Variants in NCKAP5 observed in about 807,000 individuals in gnomAD.
NCKAP5 encodes nck-associated protein 5.
Under a neutral mutation model 167.0 loss-of-function variants are expected in NCKAP5, and 92 were observed. The observed-to-expected ratio is 0.55, with a 90% CI of 0.47 to 0.66. The LOEUF is 0.66. Among genes scored for constraint, NCKAP5 ranks in the 30% least tolerant of loss-of-function variants. NCKAP5 has a pLI of 0.00. For synonymous variants in NCKAP5, 891 were observed against 877.4 expected (o/e 1.02, Z -0.27); for missense variants, 2,378 against 2,315.0 (o/e 1.03, Z -0.56).
intron 10 of NCKAP5, among the ~76,000 whole-genome samples, chr2:132,863,542 A>ATTAGTATTAC (rs1690107177): frequency 6.6e-6 from 1 of 152,138 alleles, no homozygotes; most frequent in Non-Finnish European, 1.5e-5. Flanking sequence ...TTCAAAGGCC[A>ATTAGTATTAC]TTAGTATTAC....
intron 6 of NCKAP5, among the ~76,000 whole-genome samples, chr2:133,082,472 C>T (rs1009467650): frequency 3.3e-5 from 5 of 152,102 alleles, no homozygotes; most frequent in African/African-American, 1.2e-4. Flanking sequence ...AGAAGCTTTA[C>T]AGGTGGGTGG....
chr2:132,921,854 C>A (rs759961332), intron 8 of NCKAP5, among the ~76,000 whole-genome samples: 1 of 152,148 alleles, frequency 6.6e-6, no homozygotes, highest in Non-Finnish European at 1.5e-5. Context: ...GCAGGTTTGG[C>A]CATTCGGTGC....
chr2:133,662,715 A>G, the NCKAP5 span, among the ~76,000 whole-genome samples: 14 of 150,330 alleles, frequency 9.3e-5, no homozygotes, highest in East Asian at 1.9e-3. Context: ...GAATATTAAA[A>G]TAATAGGTAT....
At chr2:133,222,743 T>C (rs900167637) in intron 4 of NCKAP5, among the ~76,000 whole-genome samples, 12 of 152,208 alleles carry the variant, frequency 7.9e-5, no homozygotes, top group Admixed American at 2.0e-4. Flanking sequence ...AGGCTGCTCA[T>C]GCAGACTGGA....
chr2:133,578,152 G>T, the NCKAP5 span, among the ~76,000 whole-genome samples: 1 of 152,174 alleles, frequency 6.6e-6, no homozygotes, highest in African/African-American at 2.4e-5. Flanking sequence ...TCCCTCCCAT[G>T]TAAAGATTCT....
intron 11 of NCKAP5, among the ~76,000 whole-genome samples, chr2:132,820,677 G>T (rs997466528): frequency 2.0e-5 from 3 of 152,170 alleles, no homozygotes; most frequent in Non-Finnish European, 4.4e-5. Flanking sequence ...TTCACAGACT[G>T]TGGGTAACAC....
Position 132,672,965 on chromosome 2 carries a change from C to A in NCKAP5, c.*324G>T. 1.8e-5 allele frequency: 2 copies of A among 109,460 alleles called. No individual in the cohort carries two copies. Among genetic ancestry groups the A allele is most frequent in the Non-Finnish European group, 2.9e-5 (2 of 67,998 alleles). The allele number at this position is 109,460 out of a possible 1,614,324, so 6.8% of individuals were successfully genotyped here. Reference sequence around the variant, plus strand: ...CTCTATCAAGCGGTGCACCCCCCACCCCCCACCCATCATTTCTTAAGCGCT... The same window carrying A: ...CTCTATCAAGCGGTGCACCCCCCACACCCCACCCATCATTTCTTAAGCGCT... On this transcript the variant is annotated 3_prime_UTR_variant, in exon 20 of 20. Coordinates refer to ENST00000409261, the MANE Select transcript of NCKAP5 (RefSeq NM_207363.3).
At chr2:133,159,742 T>G (rs1297334589) in intron 5 of NCKAP5, among the ~76,000 whole-genome samples, 1 of 152,204 alleles carries the variant, frequency 6.6e-6, no homozygotes, top group African/African-American at 2.4e-5. Context: ...ATGTTAGATT[T>G]TTTTAAGCAA....
chr2:132,953,469 C>T (rs1192997124), intron 8 of NCKAP5, among the ~76,000 whole-genome samples: 1 of 151,974 alleles, frequency 6.6e-6, no homozygotes, highest in African/African-American at 2.4e-5. Flanking sequence ...ATTTTTATTA[C>T]CTTAATTAAT....
At chr2:133,673,082 A>G in the NCKAP5 span, among the ~76,000 whole-genome samples, 1 of 152,144 alleles carries the variant, frequency 6.6e-6, no homozygotes, top group African/African-American at 2.4e-5. Context: ...ATGACACCAT[A>G]TACTCTGTGT....
chr2:133,132,132 A>G (rs1018792413), intron 5 of NCKAP5, among the ~76,000 whole-genome samples: 1 of 151,938 alleles, frequency 6.6e-6, no homozygotes, highest in African/African-American at 2.4e-5. Context: ...TACTAAAAAT[A>G]AAAAAATTAG....
In NCKAP5 at chr2:133,456,658, T is replaced by C. The variant is rs558993023; in HGVS notation, c.69+60800A>G. Reference sequence around the variant, plus strand: ...TTGATGAAATAACCTTATTATGTAGTGAATTTGAAGGAGGCTGCTGACCCC... The same window carrying C: ...TTGATGAAATAACCTTATTATGTAGCGAATTTGAAGGAGGCTGCTGACCCC... On this transcript the variant is annotated intron_variant, in intron 3 of 19. Transcript: ENST00000409261. 3.9e-5 allele frequency among the ~76,000 whole-genome samples: 6 copies of C among 152,318 alleles called. No homozygotes were observed. The East Asian group carries it at 9.6e-4, about 24-fold the overall frequency.
intron 8 of NCKAP5, among the ~76,000 whole-genome samples, chr2:132,957,503 A>C (rs1447413654): frequency 6.6e-6 from 1 of 152,126 alleles, no homozygotes; most frequent in Non-Finnish European, 1.5e-5. Context: ...AATGGGGATA[A>C]TAGTGCTAAC....
At chr2:133,572,833 G>A (rs990264154), upstream of NCKAP5, among the ~76,000 whole-genome samples, 1 of 152,156 alleles carries the variant, frequency 6.6e-6, no homozygotes, top group East Asian at 1.9e-4. Context: ...GAGAACCCTC[G>A]TGTTTAGAAC....
At chr2:132,771,116 A>G (rs1682007823) in intron 16 of NCKAP5, among the ~76,000 whole-genome samples, 2 of 152,182 alleles carry the variant, frequency 1.3e-5, no homozygotes, top group South Asian at 4.1e-4. Flanking sequence ...AGCCTCAGGG[A>G]AATTCTTCAG....
Position 132,731,909 on chromosome 2 carries a change from G to T in NCKAP5, c.5271C>A (p.Ala1757=). 8.1e-6 allele frequency: 13 copies of T among 1,613,952 alleles called. No homozygotes were observed. Among genetic ancestry groups the T allele is most frequent in the Non-Finnish European group, 1.1e-5 (13 of 1,179,886 alleles). ...CTCTCATGGAAGAAACTGCAGAAAGGGCTGACTGGAGAGGCAGGAGAGGCT... is the reference window on the plus strand; with the variant it reads ...CTCTCATGGAAGAAACTGCAGAAAGTGCTGACTGGAGAGGCAGGAGAGGCT... ...DAEPLLPLQS[A]LSAVSSMRAQ... The change falls in exon 17 of 20, where the codon GCC becomes GCA. Residue 1757 remains alanine (A), a synonymous_variant. Coordinates refer to ENST00000409261, the MANE Select transcript of NCKAP5 (RefSeq NM_207363.3).
intron 6 of NCKAP5, among the ~76,000 whole-genome samples, chr2:133,034,218 A>G (rs942037377): frequency 6.6e-6 from 1 of 152,192 alleles, no homozygotes; most frequent in African/African-American, 2.4e-5. Context: ...TGAAATATTT[A>G]AAGTGCTGAA....
intron 5 of NCKAP5, among the ~76,000 whole-genome samples, chr2:133,199,764 T>C (rs1378742395): frequency 6.6e-6 from 1 of 151,982 alleles, no homozygotes; most frequent in East Asian, 1.9e-4. Context: ...GACTTGCACA[T>C]GAATGTTCAT....
At chr2:133,232,613 AACAGAAACACTGTC>A (rs2087205004) in intron 4 of NCKAP5, among the ~76,000 whole-genome samples, 1 of 152,192 alleles carries the variant, frequency 6.6e-6, no homozygotes, top group South Asian at 2.1e-4. Context: ...AAATTAAAGA[AACAGAAACACTGTC>A]ACCAAAAGAA....
Sources: gnomAD v4.1 joint callset for allele counts (sites outside exome capture counted in the v4.1 genomes callset) on GRCh38, gnomAD v4.1.1 for gene constraint, MANE v1.5 for transcripts, NCBI Gene and HGNC (gene_info 2026-07-23, HGNC 2026-07-21) for gene names.